Variants in CLVS2 observed in about 807,000 individuals in gnomAD.
CLVS2 encodes the protein clavesin-2.
Under a neutral mutation model 29.0 loss-of-function variants are expected in CLVS2, and 19 were observed. The ratio of observed to expected loss-of-function variants is 0.66; its 90% CI spans 0.46 to 0.96. The LOEUF (loss-of-function observed/expected upper bound fraction) is 0.96, where lower values mean the gene tolerates loss of function less well. CLVS2 is among the 40% of genes least tolerant of loss of function. The pLI, the probability that CLVS2 is intolerant of heterozygous loss-of-function variation, is 0.00. For missense variants in CLVS2, 294 were observed against 404.1 expected (o/e 0.73, Z 2.34); for synonymous variants, 161 against 151.3 (o/e 1.06, Z -0.47).
At chr6:123,021,644 C>T (rs962597101) in intron 3 of CLVS2, among the ~76,000 whole-genome samples, 1 of 151,960 alleles carries the variant, frequency 6.6e-6, no homozygotes, top group Admixed American at 6.6e-5. Flanking sequence ...ATGTCTTTCC[C>T]AATGGTAACA....
chr6:123,051,790 A>G (rs1049468271), intron 4 of CLVS2, among the ~76,000 whole-genome samples: 4 of 152,212 alleles, frequency 2.6e-5, no homozygotes, highest in African/African-American at 9.6e-5. Context: ...ATTGTAAGGT[A>G]TTCAGAGGCA....
chr6:123,026,014 A>G (rs1277109091), intron 3 of CLVS2, among the ~76,000 whole-genome samples: 4 of 151,990 alleles, frequency 2.6e-5, no homozygotes, highest in Admixed American at 2.6e-4. Flanking sequence ...GATAATTTTA[A>G]TGCTGAAAAT....
At position 123,068,638 on chromosome 6, in the gene CLVS2, GA is replaced by G. The variant is rs1772896955; in HGVS notation, c.*4882del. 6.6e-6 allele frequency: 1 copy of G among 151,368 alleles called. No individual in the cohort carries two copies. The highest frequency in any genetic ancestry group is 2.4e-5 in the African/African-American group (1 of 41,266). 9.4% of individuals were successfully genotyped at this position (151,368 alleles called of 1,614,324 possible). A position where few individuals can be genotyped will look rare whatever the true frequency, so the allele number is the denominator to read the frequency against. ...AGTTTTTGTTTTCAAAGCTATCCAG[GA>G]AAAATAAAAGATGTCTAACAGGAAA... On this transcript the variant is annotated 3_prime_UTR_variant, in exon 6 of 6. Coordinates refer to ENST00000275162, the MANE Select transcript of CLVS2 (RefSeq NM_001010852.4).
At chr6:123,033,265 T>C (rs1006976005) in intron 3 of CLVS2, among the ~76,000 whole-genome samples, 3 of 152,112 alleles carry the variant, frequency 2.0e-5, no homozygotes, top group East Asian at 3.8e-4. Context: ...ATATTTTTAA[T>C]GTACATAGTG....
intron 3 of CLVS2, among the ~76,000 whole-genome samples, chr6:123,045,240 CAG>C (rs1490023080): frequency 1.3e-5 from 2 of 151,876 alleles, no homozygotes; most frequent in East Asian, 3.9e-4. Flanking sequence ...TACAACAAAA[CAG>C]AAATCTCTTT....
At chr6:123,015,137 T>A (rs946765750) in intron 3 of CLVS2, among the ~76,000 whole-genome samples, 2 of 151,962 alleles carry the variant, frequency 1.3e-5, no homozygotes, top group African/African-American at 4.8e-5. Flanking sequence ...AAACACAGGA[T>A]GAATCTGTAT....
chr6:123,029,582 G>T (rs1775053394), intron 3 of CLVS2, among the ~76,000 whole-genome samples: 1 of 152,122 alleles, frequency 6.6e-6, no homozygotes, highest in Non-Finnish European at 1.5e-5. Flanking sequence ...AGGAAATAAG[G>T]TTGGAAAGTT....
intron 3 of CLVS2, among the ~76,000 whole-genome samples, chr6:123,026,813 A>T (rs1582652284): frequency 1.3e-5 from 2 of 152,140 alleles, no homozygotes; most frequent in East Asian, 3.9e-4. Flanking sequence ...GTTTTATGAA[A>T]ATCTAGAATA....
intron 3 of CLVS2, among the ~76,000 whole-genome samples, chr6:123,044,521 G>GA (rs140063534): frequency 2.1e-4 from 30 of 145,836 alleles, no homozygotes; most frequent in African/African-American, 4.0e-4. Context: ...AAAGGGGAAA[G>GA]AAAAAAAAAA....
At chr6:123,058,908 T>G (rs2114366932) in intron 5 of CLVS2, among the ~76,000 whole-genome samples, 1 of 152,304 alleles carries the variant, frequency 6.6e-6, no homozygotes, top group South Asian at 2.1e-4. Flanking sequence ...TCCACCTGCC[T>G]CAGCCTCTCA....
At chr6:123,060,644 C>T (rs1490305233) in intron 5 of CLVS2, among the ~76,000 whole-genome samples, 2 of 152,198 alleles carry the variant, frequency 1.3e-5, no homozygotes, top group East Asian at 3.9e-4. Context: ...AATATCTGTA[C>T]ATAGGCAATA....
At chr6:123,056,985 A>G (rs547803539) in intron 5 of CLVS2, among the ~76,000 whole-genome samples, 1 of 152,296 alleles carries the variant, frequency 6.6e-6, no homozygotes, top group East Asian at 1.9e-4. Flanking sequence ...TTTATCTTTC[A>G]ATCAATAGTC....
chr6:123,062,122 T>C (rs1398604086), intron 5 of CLVS2, among the ~76,000 whole-genome samples: 1 of 152,134 alleles, frequency 6.6e-6, no homozygotes, highest in African/African-American at 2.4e-5. Context: ...CTAGTGCATA[T>C]CAGTTGTCAG....
chr6:123,014,460 A>G (rs1774797698), intron 3 of CLVS2, among the ~76,000 whole-genome samples: 1 of 152,082 alleles, frequency 6.6e-6, no homozygotes, highest in Non-Finnish European at 1.5e-5. Flanking sequence ...ATTAAGGGAC[A>G]ATGTGGGAGG....
chr6:123,063,871 A>G lies in CLVS2; in HGVS notation c.*110A>G. On this transcript the variant is annotated 3_prime_UTR_variant, in exon 6 of 6. Transcript: ENST00000275162. ...GCTGGAAACCGACTTATTCATGTTA[A>G]TGTAGCATAATATATAACAAGGCAT... The G allele has an allele frequency of 1.4e-6, 1 of 700,012 alleles. No homozygotes were observed. The allele number at this position is 700,012 out of a possible 1,614,324, so 43.4% of individuals were successfully genotyped here.
intron 5 of CLVS2, 39 bp downstream of exon 5, chr6:123,056,065 G>T: frequency 7.4e-7 from 1 of 1,355,970 alleles, no homozygotes. Flanking sequence ...CTGGGCCAGG[G>T]CAGGGAGAGG....
At position 123,066,926 on chromosome 6, in the gene CLVS2, T is replaced by C. The variant is rs544254328; in HGVS notation, c.*3165T>C. 25 of 151,852 alleles carry C rather than the reference T, an allele frequency of 1.6e-4. No individual in the cohort carries two copies. The highest frequency in any genetic ancestry group is 6.0e-4 in the African/African-American group (25 of 41,512). The allele number at this position is 151,852 out of a possible 1,614,324, so 9.4% of individuals were successfully genotyped here. A position where few individuals can be genotyped will look rare whatever the true frequency, so the allele number is the denominator to read the frequency against. On this transcript the variant is annotated 3_prime_UTR_variant, in exon 6 of 6. Transcript: ENST00000275162. ...TGTAAGTTAAATACAGTAACTTTAG[T>C]ACATGTTAATGATAAACGTGGCACT... is the stretch of plus-strand genomic sequence containing the variant.
At chr6:123,015,427 A>C (rs1774812889) in intron 3 of CLVS2, among the ~76,000 whole-genome samples, 1 of 152,052 alleles carries the variant, frequency 6.6e-6, no homozygotes, top group African/African-American at 2.4e-5. Context: ...TCTCATTTTT[A>C]TAGGATAGGA....
rs1424117463 is a variant in CLVS2 at position 123,004,868 on chromosome 6, G to A, written c.390-6117G>A. 4.6e-5 allele frequency among the ~76,000 whole-genome samples: 7 copies of A among 152,038 alleles called. No individual in the cohort carries two copies. In the East Asian group the frequency reaches 9.7e-4, roughly 21 times the overall value. The stretch of plus-strand genomic sequence containing the variant: ...GTGGAGGTTTCAGTCAGCTGAGATC[G>A]TGCCATTGCACTCCAGCCTGGGCGA... On this transcript the variant is annotated intron_variant, in intron 2 of 5. Coordinates refer to ENST00000275162, the MANE Select transcript of CLVS2 (RefSeq NM_001010852.4).
Sources: allele counts gnomAD v4.1 joint callset (sites outside exome capture counted in the v4.1 genomes callset), GRCh38; gene constraint gnomAD v4.1.1; transcripts MANE v1.5; gene names NCBI Gene and HGNC (gene_info 2026-07-23, HGNC 2026-07-21).